The following DYM variants were observed in gnomAD, a reference collection of about 807,000 sequenced individuals.
DYM encodes dyggve-Melchior-Clausen syndrome protein.
Under a neutral mutation model 93.1 loss-of-function variants are expected in DYM, and 78 were observed. The observed-to-expected ratio is 0.84, with a 90% CI of 0.70 to 1.01. DYM has a LOEUF of 1.01. Among genes scored for constraint, DYM ranks in the 50% least tolerant of loss-of-function variants. The pLI is 0.00. For synonymous variants in DYM, 321 were observed against 319.7 expected, an observed-to-expected ratio of 1.00 and a Z score of -0.04; for missense variants, 789 against 845.0, an observed-to-expected ratio of 0.93 and a Z score of 0.82.
chr18:49,098,592 G>A (rs1241433617), intron 16 of DYM, among the ~76,000 whole-genome samples: 1 of 152,230 alleles, frequency 6.6e-6, no homozygotes, highest in Admixed American at 6.5e-5. Flanking sequence ...CTCATGGCTG[G>A]TGACACTGCT....
intron 17 of DYM, among the ~76,000 whole-genome samples, chr18:49,080,452 A>C (rs1167807258): frequency 4.8e-5 from 5 of 103,726 alleles, no homozygotes; most frequent in African/African-American, 7.4e-5. Flanking sequence ...ACTTCCCAGT[A>C]GGGGCGGCTG....
chr18:49,212,535 T>C (rs2092829866), intron 13 of DYM, among the ~76,000 whole-genome samples: 1 of 152,124 alleles, frequency 6.6e-6, no homozygotes, highest in African/African-American at 2.4e-5. Context: ...TCTCATTCTG[T>C]CACCCAGGCT....
At chr18:49,263,074 T>C (rs2094514347) in intron 11 of DYM, among the ~76,000 whole-genome samples, 1 of 152,110 alleles carries the variant, frequency 6.6e-6, no homozygotes. Context: ...CATAAGTACA[T>C]CTGCGAGAAT....
At chr18:49,143,630 C>G (rs1462965008) in intron 15 of DYM, among the ~76,000 whole-genome samples, 2 of 152,042 alleles carry the variant, frequency 1.3e-5, no homozygotes, top group Non-Finnish European at 2.9e-5. Context: ...TTCCAATACT[C>G]ATATTATTTA....
At chr18:49,192,095 ATTTTTTTTTTTTTTT>A (rs55967928) in intron 14 of DYM, among the ~76,000 whole-genome samples, 2 of 68,290 alleles carry the variant, frequency 2.9e-5, no homozygotes, top group East Asian at 4.1e-4. Context: ...TGCCTGGCTA[ATTTTTTTTTTTTTTT>A]TTTTTTTTTT....
At chr18:49,184,235 CA>C (rs994603178) in intron 14 of DYM, among the ~76,000 whole-genome samples, 17 of 97,458 alleles carry the variant, frequency 1.7e-4, no homozygotes, top group South Asian at 3.0e-4. Context: ...AAACAAAAAA[CA>C]AAATTTTTTT....
chr18:49,438,672 G>A (rs1437279959), intron 1 of DYM, among the ~76,000 whole-genome samples: 3 of 152,142 alleles, frequency 2.0e-5, no homozygotes, highest in Admixed American at 6.5e-5. Context: ...CAACAACAGG[G>A]TGCTACCTGC....
At chr18:49,428,579 G>A (rs956022920) in intron 2 of DYM, among the ~76,000 whole-genome samples, 3 of 152,242 alleles carry the variant, frequency 2.0e-5, no homozygotes, top group East Asian at 1.9e-4. Flanking sequence ...CCAGTTACTC[G>A]GGAGGCTGAG....
intron 5 of DYM, among the ~76,000 whole-genome samples, chr18:49,365,419 GA>G (rs1279101934): frequency 6.0e-5 from 9 of 150,944 alleles, no homozygotes; most frequent in Middle Eastern, 3.2e-3. Context: ...TATTAGTGAA[GA>G]AAAAAAAATA....
intron 16 of DYM, among the ~76,000 whole-genome samples, chr18:49,106,805 G>A (rs893032660): frequency 2.0e-5 from 3 of 152,228 alleles, no homozygotes; most frequent in Non-Finnish European, 4.4e-5. Context: ...CCCTTTGTGG[G>A]TAACCCGACC....
chr18:49,266,488 G>A (rs2094572236), intron 11 of DYM, among the ~76,000 whole-genome samples: 4 of 152,144 alleles, frequency 2.6e-5, no homozygotes, highest in Admixed American at 2.6e-4. Flanking sequence ...GCATGCACCT[G>A]CAGTCCCAGC....
chr18:49,361,971 AC>A (rs1277212242), intron 6 of DYM, among the ~76,000 whole-genome samples: 1 of 150,804 alleles, frequency 6.6e-6, no homozygotes, highest in Non-Finnish European at 1.5e-5. Flanking sequence ...TGAACTGCCC[AC>A]CTTGGCCTTC....
rs1213188714 is a variant in DYM, at chr18:49,379,750, T to C, written c.202A>G (p.Asn68Asp). The C allele has an allele frequency of 1.2e-6, 2 of 1,611,804 alleles. No homozygotes were observed. Among genetic ancestry groups the C allele is most frequent in the Admixed American group, 3.3e-5 (2 of 59,982 alleles). Residue 68 changes from asparagine (N) to aspartate (D), a missense_variant, in exon 4 of 18, where the codon AAT becomes GAT. Transcript: ENST00000675505. ...GCACCAAGATTTCCTGTTCGAGGAT[T>C]GTTTTCAACTGCAAGAGAAGAAAAG... ...ISVCRSLVENNPRTGNLGALI... is the reference protein window; with the variant it reads ...ISVCRSLVENDPRTGNLGALI...
At chr18:49,432,183 T>C (rs763677073) in intron 1 of DYM, among the ~76,000 whole-genome samples, 16 of 151,812 alleles carry the variant, frequency 1.1e-4, no homozygotes, top group Non-Finnish European at 2.1e-4. Context: ...AATACAAAAT[T>C]AGTCTGGCAT....
At chr18:49,177,832 A>G (rs1167652783) in intron 14 of DYM, among the ~76,000 whole-genome samples, 1 of 152,094 alleles carries the variant, frequency 6.6e-6, no homozygotes, top group Non-Finnish European at 1.5e-5. Flanking sequence ...TCCTGTATAT[A>G]CCAATGGTTT....
intron 10 of DYM, among the ~76,000 whole-genome samples, chr18:49,277,335 T>C (rs904723174): frequency 6.6e-6 from 1 of 151,654 alleles, no homozygotes; most frequent in Non-Finnish European, 1.5e-5. Flanking sequence ...AAGGACAGAA[T>C]CCTGCAGCAG....
intron 14 of DYM, among the ~76,000 whole-genome samples, chr18:49,206,158 C>G (rs1204516576): frequency 6.6e-6 from 1 of 151,926 alleles, no homozygotes; most frequent in Non-Finnish European, 1.5e-5. Context: ...GCCACCACTC[C>G]TGGCTAATTT....
chr18:49,198,841 C>T (rs1361550212), intron 14 of DYM, among the ~76,000 whole-genome samples: 2 of 151,712 alleles, frequency 1.3e-5, no homozygotes, highest in Non-Finnish European at 2.9e-5. Flanking sequence ...GGATCTAGAA[C>T]TAGAAATACC....
chr18:49,202,941 C>G (rs1398789846), intron 14 of DYM, among the ~76,000 whole-genome samples: 1 of 132,266 alleles, frequency 7.6e-6, no homozygotes, highest in African/African-American at 2.8e-5. Flanking sequence ...CCGCCCCATC[C>G]GGGAGGGAGG....
Sources: gnomAD v4.1 joint callset for allele counts (sites outside exome capture counted in the v4.1 genomes callset) on GRCh38, gnomAD v4.1.1 for gene constraint, MANE v1.5 for transcripts, NCBI Gene and HGNC (gene_info 2026-07-23, HGNC 2026-07-21) for gene names.